GPC5: variants seen among roughly 807,000 people sequenced by gnomAD.
GPC5 encodes glypican-5.
In GPC5, 47 loss-of-function variants were observed where a neutral mutation model predicts 53.9. The observed-to-expected ratio is 0.87, with a 90% CI of 0.69 to 1.11. The LOEUF is 1.11. GPC5 is among the 50% of genes most tolerant of loss of function. GPC5 has a pLI of 0.00. For synonymous variants in GPC5, 286 were observed against 263.3 expected (o/e 1.09, Z -0.84); for missense variants, 748 against 713.1 (o/e 1.05, Z -0.56).
chr13:92,391,644 C>A (rs943070691), intron 7 of GPC5, among the ~76,000 whole-genome samples: 19 of 152,150 alleles, frequency 1.2e-4, no homozygotes, highest in African/African-American at 4.6e-4. Flanking sequence ...CTTCTGGATT[C>A]TTTATATGAA....
intron 3 of GPC5, among the ~76,000 whole-genome samples, chr13:91,711,388 G>T (rs200620460): frequency 6.6e-6 from 1 of 151,966 alleles, no homozygotes; most frequent in African/African-American, 2.4e-5. Flanking sequence ...TCTCACTCAT[G>T]GTGGGAATTG....
intron 7 of GPC5, among the ~76,000 whole-genome samples, chr13:92,374,457 T>G (rs1394751475): frequency 6.6e-6 from 1 of 152,096 alleles, no homozygotes; most frequent in Non-Finnish European, 1.5e-5. Context: ...TATGCACAAT[T>G]GGCTCTTCCT....
chr13:91,907,142 T>C (rs2039561641), intron 5 of GPC5, among the ~76,000 whole-genome samples: 2 of 149,388 alleles, frequency 1.3e-5, no homozygotes, highest in South Asian at 4.2e-4. Flanking sequence ...TACACATTAA[T>C]AACATAGGTA....
intron 6 of GPC5, among the ~76,000 whole-genome samples, chr13:91,917,917 C>A (rs901228060): frequency 2.0e-5 from 3 of 152,198 alleles, no homozygotes; most frequent in African/African-American, 7.2e-5. Flanking sequence ...TTTCCCAGTT[C>A]CAAAGTCACT....
chr13:92,381,962 GTATCTATCTATCTATC>G (rs58251052), intron 7 of GPC5, among the ~76,000 whole-genome samples: 6 of 126,296 alleles, frequency 4.8e-5, no homozygotes, highest in African/African-American at 1.4e-4. Flanking sequence ...ATGTATGTAT[GTATCTATCTATCTATC>G]TATCTATCTA....
At chr13:91,963,053 T>A (rs1323416577) in intron 6 of GPC5, among the ~76,000 whole-genome samples, 1 of 152,206 alleles carries the variant, frequency 6.6e-6, no homozygotes, top group Non-Finnish European at 1.5e-5. Flanking sequence ...TGAGTTTGAA[T>A]CCTGTTTCTA....
intron 7 of GPC5, among the ~76,000 whole-genome samples, chr13:92,576,913 A>G (rs1009840908): frequency 3.3e-5 from 5 of 152,202 alleles, no homozygotes; most frequent in African/African-American, 7.2e-5. Context: ...TACAAATTCA[A>G]TGGAGTAAAC....
chr13:92,031,696 A>G (rs1252454423), intron 6 of GPC5, among the ~76,000 whole-genome samples: 2 of 95,828 alleles, frequency 2.1e-5, no homozygotes, highest in South Asian at 2.6e-4. Flanking sequence ...TAGTATATAT[A>G]ATATATTATA....
At chr13:92,153,493 A>T (rs557883254) in intron 7 of GPC5, among the ~76,000 whole-genome samples, 4 of 152,172 alleles carry the variant, frequency 2.6e-5, no homozygotes, top group Non-Finnish European at 5.9e-5. Flanking sequence ...TAACTCATTT[A>T]TGTATGTATT....
chr13:91,570,718 T>C (rs2031743030), intron 2 of GPC5, among the ~76,000 whole-genome samples: 1 of 152,194 alleles, frequency 6.6e-6, no homozygotes, highest in Non-Finnish European at 1.5e-5. Context: ...GATTTTTCTC[T>C]GTGCTATGTT....
chr13:91,911,758 T>C (rs968680186), intron 6 of GPC5, among the ~76,000 whole-genome samples: 17 of 152,022 alleles, frequency 1.1e-4, no homozygotes, highest in African/African-American at 3.4e-4. Context: ...TTTAGACAAA[T>C]GTTGGAAGCG....
At chr13:91,810,997 C>T (rs898160225) in intron 5 of GPC5, among the ~76,000 whole-genome samples, 2 of 150,174 alleles carry the variant, frequency 1.3e-5, no homozygotes, top group African/African-American at 4.9e-5. Flanking sequence ...TTCTCACATT[C>T]TCAACATTAT....
At chr13:92,189,279 T>C (rs1321202245) in intron 7 of GPC5, among the ~76,000 whole-genome samples, 3 of 152,150 alleles carry the variant, frequency 2.0e-5, no homozygotes, top group Non-Finnish European at 2.9e-5. Flanking sequence ...ACCCAATCTT[T>C]TGGGATTTCA....
At chr13:91,988,854 T>A (rs2040432416) in intron 6 of GPC5, among the ~76,000 whole-genome samples, 1 of 152,026 alleles carries the variant, frequency 6.6e-6, no homozygotes, top group South Asian at 2.1e-4. Context: ...GGTCAAAACC[T>A]CAATTCTGGA....
chr13:92,675,760 T>C (rs1886917497), intron 7 of GPC5, among the ~76,000 whole-genome samples: 1 of 152,148 alleles, frequency 6.6e-6, no homozygotes, highest in Admixed American at 6.6e-5. Flanking sequence ...TAAGTCTTGA[T>C]GTTTTGTCAA....
chr13:92,634,355 T>C (rs2139138111), intron 7 of GPC5, among the ~76,000 whole-genome samples: 1 of 152,254 alleles, frequency 6.6e-6, no homozygotes, highest in East Asian at 1.9e-4. Flanking sequence ...GTATCTATTC[T>C]GGAATAGGGG....
At chr13:92,265,335 G>T (rs9523563) in intron 7 of GPC5, among the ~76,000 whole-genome samples, 52,063 of 151,840 alleles carry the variant, frequency 0.34, 9,582 homozygotes, top group African/African-American at 0.48. Context: ...ATATTTTGCT[G>T]AGAAATTTCT....
At chr13:91,757,770 C>G (rs1353416092) in intron 5 of GPC5, among the ~76,000 whole-genome samples, 1 of 152,082 alleles carries the variant, frequency 6.6e-6, no homozygotes, top group Admixed American at 6.6e-5. Context: ...TGAAAATGGA[C>G]TAATACAATG....
chr13:91,657,950 C>T (rs1324445544), intron 2 of GPC5, among the ~76,000 whole-genome samples: 1 of 152,062 alleles, frequency 6.6e-6, no homozygotes, highest in Non-Finnish European at 1.5e-5. Flanking sequence ...TGAGTAATGC[C>T]TACTTTGGAT....
Sources: allele counts gnomAD v4.1 joint callset (sites outside exome capture counted in the v4.1 genomes callset), GRCh38; gene constraint gnomAD v4.1.1; transcripts MANE v1.5; gene names NCBI Gene and HGNC (gene_info 2026-07-23, HGNC 2026-07-21).